MB21D2: variants seen among roughly 807,000 people sequenced by gnomAD.
MB21D2 encodes Mab-21 domain containing 2, also known as nucleotidyltransferase MB21D2.
A neutral mutation model predicts 33.3 loss-of-function variants in MB21D2; 9 were observed. The observed-to-expected ratio is 0.27, with a 90% confidence interval of 0.16 to 0.47. The LOEUF (loss-of-function observed/expected upper bound fraction) is 0.47, where lower values mean the gene tolerates loss of function less well. Among genes scored for constraint, MB21D2 ranks in the 20% least tolerant of loss-of-function variants. The pLI, the probability that MB21D2 is intolerant of heterozygous loss-of-function variation, is 0.99. For synonymous variants in MB21D2, 241 were observed against 236.3 expected, an observed-to-expected ratio of 1.02 and a Z score of -0.18; for missense variants, 540 against 624.6, an observed-to-expected ratio of 0.86 and a Z score of 1.44.
chr3:192,858,710 G>T (rs2108632673), intron 1 of MB21D2, among the ~76,000 whole-genome samples: 1 of 152,268 alleles, frequency 6.6e-6, no homozygotes, highest in South Asian at 2.1e-4. Flanking sequence ...AGGTTATAAA[G>T]GACACAAGGT....
At chr3:192,910,039 C>T (rs2108655796) in intron 1 of MB21D2, among the ~76,000 whole-genome samples, 1 of 147,276 alleles carries the variant, frequency 6.8e-6, no homozygotes, top group East Asian at 2.1e-4. Context: ...GTGTATGTTA[C>T]ATGACAATGT....
intron 1 of MB21D2, among the ~76,000 whole-genome samples, chr3:192,807,884 T>C (rs1253860935): frequency 3.3e-5 from 5 of 151,798 alleles, no homozygotes; most frequent in Non-Finnish European, 2.9e-5. Flanking sequence ...TTATGCTGAG[T>C]AACAAAGCTA....
At chr3:192,916,763 G>T (rs1220303604) in intron 1 of MB21D2, among the ~76,000 whole-genome samples, 1 of 152,202 alleles carries the variant, frequency 6.6e-6, no homozygotes, top group African/African-American at 2.4e-5. Flanking sequence ...CATGTTTCAG[G>T]AGCCGTAGGT....
At chr3:192,879,571 G>A (rs1174685891) in intron 1 of MB21D2, among the ~76,000 whole-genome samples, 2 of 152,240 alleles carry the variant, frequency 1.3e-5, no homozygotes, top group African/African-American at 4.8e-5. Flanking sequence ...TGATTGGAGA[G>A]GCTGTACACA....
At chr3:192,822,543 G>C (rs1712083810) in intron 1 of MB21D2, among the ~76,000 whole-genome samples, 1 of 152,222 alleles carries the variant, frequency 6.6e-6, no homozygotes, top group Non-Finnish European at 1.5e-5. Context: ...ACGGGGAAGT[G>C]CTACTGGGGA....
At chr3:192,800,762 A>G (rs1200203487) in intron 1 of MB21D2, among the ~76,000 whole-genome samples, 1 of 152,216 alleles carries the variant, frequency 6.6e-6, no homozygotes, top group East Asian at 1.9e-4. Context: ...TTGTTCATGG[A>G]ACGCCATTTT....
At chr3:192,865,432 TG>T (rs1246073359) in intron 1 of MB21D2, among the ~76,000 whole-genome samples, 1 of 152,146 alleles carries the variant, frequency 6.6e-6, no homozygotes, top group Non-Finnish European at 1.5e-5. Flanking sequence ...ATTGGAGAAA[TG>T]GTTCAGCAGG....
At chr3:192,810,126 T>C (rs1389742806) in intron 1 of MB21D2, among the ~76,000 whole-genome samples, 1 of 152,172 alleles carries the variant, frequency 6.6e-6, no homozygotes, top group African/African-American at 2.4e-5. Context: ...AGAAAGTCTT[T>C]TCCCTTTACA....
At chr3:192,909,060 C>T (rs1457703028) in intron 1 of MB21D2, among the ~76,000 whole-genome samples, 2 of 151,548 alleles carry the variant, frequency 1.3e-5, no homozygotes, top group Non-Finnish European at 2.9e-5. Context: ...TCGAGACCAT[C>T]CTGGCCAACA....
chr3:192,828,599 T>C (rs1292805483), intron 1 of MB21D2, among the ~76,000 whole-genome samples: 23 of 1,820 alleles, frequency 0.013, 3 homozygotes, highest in Admixed American at 0.04. Context: ...CCCATATATA[T>C]ATATATATAT....
chr3:192,859,240 G>C (rs1445151346), intron 1 of MB21D2, among the ~76,000 whole-genome samples: 1 of 152,136 alleles, frequency 6.6e-6, no homozygotes, highest in African/African-American at 2.4e-5. Flanking sequence ...CCAAAATAAT[G>C]TATTAAGTAC....
intron 1 of MB21D2, among the ~76,000 whole-genome samples, chr3:192,841,802 G>A (rs1712578215): frequency 6.6e-6 from 1 of 152,224 alleles, no homozygotes; most frequent in African/African-American, 2.4e-5. Context: ...GAGTTGCTAG[G>A]GTTTGGAAGA....
chr3:192,845,094 T>C (rs935638201), intron 1 of MB21D2, among the ~76,000 whole-genome samples: 1 of 152,210 alleles, frequency 6.6e-6, no homozygotes, highest in South Asian at 2.1e-4. Context: ...AAAAGAAACA[T>C]GTATTCATTG....
At chr3:192,904,657 T>C (rs1714169137) in intron 1 of MB21D2, among the ~76,000 whole-genome samples, 2 of 152,126 alleles carry the variant, frequency 1.3e-5, no homozygotes, top group Admixed American at 1.3e-4. Context: ...CCTGGCCATC[T>C]GTGTTTCAAC....
intron 1 of MB21D2, among the ~76,000 whole-genome samples, chr3:192,809,016 C>T (rs952748678): frequency 2.6e-5 from 4 of 152,028 alleles, no homozygotes; most frequent in African/African-American, 9.7e-5. Context: ...ATGCCACTAC[C>T]ATGCACTACG....
rs1409560434 is a variant in MB21D2, at chr3:192,917,746, C to A, written c.95G>T (p.Arg32Leu). The A allele has an allele frequency of 6.2e-6, 10 of 1,614,090 alleles. No individual in the cohort carries two copies. Among genetic ancestry groups the A allele is most frequent in the Non-Finnish European group, 8.5e-6 (10 of 1,180,032 alleles). Residue 32 changes from arginine (R) to leucine (L), a missense_variant, in exon 1 of 2, where the codon CGG becomes CTG. Arg to Leu is a moderately radical substitution (Grantham distance 102). Coordinates refer to ENST00000392452, the MANE Select transcript of MB21D2 (RefSeq NM_178496.4). ...FPELDFRSGA[R>L]VEELNKLIQE... ...GATGAGTTTGTTCAATTCCTCCACC[C>A]GAGCTCCCGACCTGAAATCCAGCTC...
intron 1 of MB21D2, among the ~76,000 whole-genome samples, chr3:192,861,474 T>C (rs1427559674): frequency 1.3e-5 from 2 of 152,218 alleles, no homozygotes; most frequent in African/African-American, 4.8e-5. Context: ...TCTGATAAGG[T>C]GTTTGGGAAT....
chr3:192,871,303 C>T (rs149003990), intron 1 of MB21D2, among the ~76,000 whole-genome samples: 9 of 152,188 alleles, frequency 5.9e-5, no homozygotes, highest in Non-Finnish European at 1.2e-4. Context: ...TGAAAAATGA[C>T]GGTTATTTAG....
At position 192,884,475 on chromosome 3, in the gene MB21D2, T is replaced by C. The variant is rs539397789; in HGVS notation, c.211+33155A>G. Among the ~76,000 whole-genome samples the C allele has an allele frequency of 1.3e-3, 203 of 151,970 alleles. 1 individual carries two copies. The highest frequency in any genetic ancestry group is 1.5e-3 in the Non-Finnish European group (105 of 68,004). On this transcript the variant is annotated intron_variant, in intron 1 of 1. Transcript: ENST00000392452. ...TCCGCCTCCCGGGTTCACTCCATTC[T>C]CCTGCCTCAGCCTCCCGAGTAGCTG...
Sources: gnomAD v4.1 joint callset for allele counts (sites outside exome capture counted in the v4.1 genomes callset) on GRCh38, gnomAD v4.1.1 for gene constraint, MANE v1.5 for transcripts, NCBI Gene and HGNC (gene_info 2026-07-23, HGNC 2026-07-21) for gene names.